ENPP6: variants seen among roughly 807,000 people sequenced by gnomAD.
ENPP6 encodes ectonucleotide pyrophosphatase/phosphodiesterase 6, also known as glycerophosphocholine cholinephosphodiesterase ENPP6.
Under a neutral mutation model 42.0 loss-of-function variants are expected in ENPP6, and 32 were observed. The ratio of observed to expected loss-of-function variants is 0.76; its 90% CI spans 0.58 to 1.02. The LOEUF (loss-of-function observed/expected upper bound fraction) is 1.02. Ranked by LOEUF, ENPP6 falls within the 50% of genes least tolerant of loss-of-function variation. The pLI, the probability that ENPP6 is intolerant of heterozygous loss-of-function variation, is 0.00. For missense variants in ENPP6, 552 were observed against 566.8 expected (o/e 0.97, Z 0.27); for synonymous variants, 213 against 216.0 (o/e 0.99, Z 0.12).
At chr4:184,187,685 A>G (rs1169951071) in intron 1 of ENPP6, among the ~76,000 whole-genome samples, 2 of 152,096 alleles carry the variant, frequency 1.3e-5, no homozygotes, top group Non-Finnish European at 2.9e-5. Context: ...AACTTTTTCC[A>G]TAGAATTTAT....
intron 3 of ENPP6, among the ~76,000 whole-genome samples, chr4:184,123,768 G>A (rs1245091990): frequency 1.3e-5 from 2 of 152,184 alleles, no homozygotes; most frequent in Admixed American, 6.5e-5. Flanking sequence ...GAAGGGGGTA[G>A]GGTAGGCAAT....
intron 1 of ENPP6, among the ~76,000 whole-genome samples, chr4:184,191,377 C>T (rs1257591744): frequency 1.3e-5 from 2 of 152,174 alleles, no homozygotes; most frequent in South Asian, 2.1e-4. Context: ...GCACAAAATA[C>T]GGTAGACATT....
intron 1 of ENPP6, among the ~76,000 whole-genome samples, chr4:184,191,483 C>T (rs1269765254): frequency 6.6e-6 from 1 of 152,166 alleles, no homozygotes; most frequent in African/African-American, 2.4e-5. Flanking sequence ...CATCCATTGT[C>T]TTCTCAGATC....
intron 7 of ENPP6, among the ~76,000 whole-genome samples, chr4:184,095,672 C>T (rs202187356): frequency 1.4e-5 from 2 of 140,494 alleles, no homozygotes; most frequent in African/African-American, 6.1e-5. Flanking sequence ...AAAAATATAT[C>T]TATATATATA....
intron 1 of ENPP6, among the ~76,000 whole-genome samples, chr4:184,169,128 A>G (rs890874884): frequency 2.0e-5 from 3 of 152,084 alleles, no homozygotes; most frequent in Admixed American, 6.5e-5. Flanking sequence ...TGTTCCTCCA[A>G]AGGCGAAATT....
Position 184,109,233 on chromosome 4 carries a change from CA to C in ENPP6, c.993+3438del, listed in dbSNP as rs200685284. On this transcript the variant is annotated intron_variant, in intron 6 of 7. Coordinates refer to ENST00000296741, the MANE Select transcript of ENPP6 (RefSeq NM_153343.4). Reference sequence around the variant, plus strand: ...CTCAAAAACAAAACAACAACAACAACAAAAAAAAACAAAACAAACAAACAAA... The same window carrying C: ...CTCAAAAACAAAACAACAACAACAACAAAAAAAACAAAACAAACAAACAAA... 4.2e-4 allele frequency among the ~76,000 whole-genome samples: 43 copies of C among 101,644 alleles called. No homozygotes were observed. In the South Asian group the frequency reaches 0.012, roughly 29 times the overall value. 66.7% of individuals were successfully genotyped at this position (101,644 alleles called of 152,430 possible).
chr4:184,093,622 G>C (rs1156670965), intron 7 of ENPP6, among the ~76,000 whole-genome samples: 1 of 146,086 alleles, frequency 6.8e-6, no homozygotes, highest in Non-Finnish European at 1.5e-5. Flanking sequence ...CTGGGCAACA[G>C]AGCAAGACTC....
At chr4:184,201,142 A>G (rs1386648505) in intron 1 of ENPP6, among the ~76,000 whole-genome samples, 3 of 152,142 alleles carry the variant, frequency 2.0e-5, no homozygotes, top group South Asian at 2.1e-4. Flanking sequence ...GCTCTGCCCC[A>G]GGTCTCTGCC....
chr4:184,109,752 T>G (rs1040398631), intron 6 of ENPP6, among the ~76,000 whole-genome samples: 1 of 152,244 alleles, frequency 6.6e-6, no homozygotes, highest in African/African-American at 2.4e-5. Context: ...TAAGCATTCT[T>G]CCTTTCTGTT....
In ENPP6 at chr4:184,111,789, C is replaced by A. The variant is rs148853395; in HGVS notation, c.993+883G>T. On this transcript the variant is annotated intron_variant, in intron 6 of 7. Coordinates refer to ENST00000296741, the MANE Select transcript of ENPP6 (RefSeq NM_153343.4). ...CACACAACCCCCATTTTCCCATGCC[C>A]ATGTCCCGGACTCCCACTCACTTGC... Among the ~76,000 whole-genome samples, 598 of 152,270 alleles carry A rather than the reference C, an allele frequency of 3.9e-3. 6 individuals are homozygous for A. The highest frequency in any genetic ancestry group is 0.014 in the Middle Eastern group (4 of 294).
chr4:184,194,055 T>A lies in ENPP6; in HGVS notation c.241+23524A>T, dbSNP rs115125921. Among the ~76,000 whole-genome samples the A allele has an allele frequency of 5.0e-3, 764 of 152,266 alleles. 9 individuals carry two copies. The highest frequency in any genetic ancestry group is 0.017 in the African/African-American group (727 of 41,550). ...CCTCTTCCTTGTCTCCTTTGATACC[T>A]CTTCTTCCACACTGTGCCCACTGAA... is the stretch of plus-strand genomic sequence containing the variant. On this transcript the variant is annotated intron_variant, in intron 1 of 7. Coordinates refer to ENST00000296741, the MANE Select transcript of ENPP6 (RefSeq NM_153343.4).
At chr4:184,095,296 G>A (rs1173043835) in intron 7 of ENPP6, among the ~76,000 whole-genome samples, 3 of 152,144 alleles carry the variant, frequency 2.0e-5, no homozygotes, top group African/African-American at 7.2e-5. Context: ...TTAACTTTAA[G>A]CTAATGCAGC....
rs1036190309 is a variant in ENPP6 at position 184,098,828 on chromosome 4, G to C, written c.994-1460C>G. On this transcript the variant is annotated intron_variant, in intron 6 of 7. Coordinates refer to ENST00000296741, the MANE Select transcript of ENPP6 (RefSeq NM_153343.4). Reference sequence around the variant, plus strand: ...TCTAAGACCTCGCCAAGGACGAACGGCCCATCCTTGCTAGGCAGGTTTCAA... The same window carrying C: ...TCTAAGACCTCGCCAAGGACGAACGCCCCATCCTTGCTAGGCAGGTTTCAA... 3.9e-5 allele frequency among the ~76,000 whole-genome samples: 6 copies of C among 152,274 alleles called. No individual in the cohort carries two copies. The East Asian group carries it at 1.2e-3, about 29-fold the overall frequency.
chr4:184,102,852 C>T lies in ENPP6; in HGVS notation c.994-5484G>A, dbSNP rs200227897. Among the ~76,000 whole-genome samples, 29 of 152,360 alleles carry T rather than the reference C, an allele frequency of 1.9e-4. No homozygotes were observed. In the East Asian group the frequency reaches 5.6e-3, roughly 29 times the overall value. ...CCTGGACCTGGCTCCGGGATATTTG[C>T]ATTCAGCAGGTCAGGAGGAGTTGAG... is the stretch of plus-strand genomic sequence containing the variant. On this transcript the variant is annotated intron_variant, in intron 6 of 7. Transcript: ENST00000296741.
intron 6 of ENPP6, among the ~76,000 whole-genome samples, chr4:184,102,021 T>C (rs1183498966): frequency 2.6e-5 from 4 of 152,254 alleles, no homozygotes; most frequent in Admixed American, 6.5e-5. Context: ...ATGCCTGTTA[T>C]ATGCTTGCAT....
intron 1 of ENPP6, among the ~76,000 whole-genome samples, chr4:184,173,762 C>T (rs1737514288): frequency 6.6e-6 from 1 of 152,120 alleles, no homozygotes; most frequent in Admixed American, 6.6e-5. Flanking sequence ...TGTTGTTTTC[C>T]AGGCACAGGT....
In ENPP6 at chr4:184,088,881, G is replaced by A. The variant is rs979263035; in HGVS notation, c.*2296C>T. The A allele has an allele frequency of 6.6e-6, 1 of 152,164 alleles. No individual in the cohort carries two copies. The highest frequency in any genetic ancestry group is 2.4e-5 in the African/African-American group (1 of 41,424). The allele number at this position is 152,164 out of a possible 1,614,324, so 9.4% of individuals were successfully genotyped here. On this transcript the variant is annotated 3_prime_UTR_variant, in exon 8 of 8. Coordinates refer to ENST00000296741, the MANE Select transcript of ENPP6 (RefSeq NM_153343.4). ...TATTATGTAACTTGCAGATTTTCAG[G>A]ACGAGTGAAGGAGGAAAATGGCAGA...
chr4:184,166,704 C>T (rs368592028), intron 1 of ENPP6, among the ~76,000 whole-genome samples: 1,683 of 152,316 alleles, frequency 0.011, 23 homozygotes, highest in South Asian at 0.081. Context: ...AGAGGCTTCT[C>T]AAAAGATGGT....
intron 1 of ENPP6, among the ~76,000 whole-genome samples, chr4:184,182,679 A>G (rs1732571551): frequency 6.6e-6 from 1 of 152,204 alleles, no homozygotes; most frequent in African/African-American, 2.4e-5. Context: ...TGCAACCATA[A>G]AAAAGAATGA....
Sources: allele counts gnomAD v4.1 joint callset (sites outside exome capture counted in the v4.1 genomes callset), GRCh38; gene constraint gnomAD v4.1.1; transcripts MANE v1.5; gene names NCBI Gene and HGNC (gene_info 2026-07-23, HGNC 2026-07-21).